Variants in ANKRD31 observed in about 807,000 individuals in gnomAD.
The protein encoded by ANKRD31 is ankyrin repeat domain 31.
In ANKRD31, 147 loss-of-function variants were observed where a neutral mutation model predicts 186.0. The observed-to-expected ratio is 0.79, with a 90% confidence interval of 0.69 to 0.91. ANKRD31 has a LOEUF of 0.91. ANKRD31 is among the 40% of genes least tolerant of loss of function. The pLI is 0.00. For missense variants in ANKRD31, 1,986 were observed against 2,148.8 expected (o/e 0.92, Z 1.50); for synonymous variants, 673 against 736.4 (o/e 0.91, Z 1.39).
chr5:75,207,699 A>G (rs1756346370), intron 4 of ANKRD31, among the ~76,000 whole-genome samples: 1 of 152,148 alleles, frequency 6.6e-6, no homozygotes, highest in Admixed American at 6.5e-5. Flanking sequence ...GAAAGTATGA[A>G]CAAAAACAAA....
chr5:75,126,114 CTT>C (rs1412878618), intron 17 of ANKRD31, among the ~76,000 whole-genome samples: 1 of 152,144 alleles, frequency 6.6e-6, no homozygotes, highest in African/African-American at 2.4e-5. Flanking sequence ...TGTCTGGTCT[CTT>C]TGACTTAGCA....
chr5:75,210,545 T>G (rs1242465236), intron 4 of ANKRD31, among the ~76,000 whole-genome samples: 1 of 152,236 alleles, frequency 6.6e-6, no homozygotes, highest in Non-Finnish European at 1.5e-5. Flanking sequence ...CTTCATGCCA[T>G]GCTTTTATTT....
intron 20 of ANKRD31, 33 bp downstream of exon 20, chr5:75,112,480 A>G: frequency 7.3e-7 from 1 of 1,368,942 alleles, no homozygotes; most frequent in Non-Finnish European, 9.9e-7. Flanking sequence ...GGGTATCTGA[A>G]AATATCATAC....
At chr5:75,088,870 G>A (rs1184180899) in intron 23 of ANKRD31, among the ~76,000 whole-genome samples, 4 of 152,136 alleles carry the variant, frequency 2.6e-5, no homozygotes, top group South Asian at 2.1e-4. Context: ...CAATCGCTAC[G>A]TTGGAAGGGT....
At chr5:75,172,415 CA>C (rs1439173053) in intron 10 of ANKRD31, among the ~76,000 whole-genome samples, 2 of 146,044 alleles carry the variant, frequency 1.4e-5, no homozygotes, top group African/African-American at 2.5e-5. Context: ...GATAGAGACA[CA>C]AAAAAAACTT....
In ANKRD31 at chr5:75,206,399, A is replaced by G; in HGVS notation, c.403+12T>C. ...CTAATTTCCTTTATATGACTCTACC[A>G]TGAAAACATACCTTCAATATTTTGG... On this transcript the variant is annotated intron_variant, in intron 5 of 25. Coordinates refer to ENST00000506364, the MANE Select transcript of ANKRD31 (RefSeq NM_001372053.1). 4 of 1,441,618 alleles carry G rather than the reference A, an allele frequency of 2.8e-6. No individual in the cohort carries two copies. Among genetic ancestry groups the G allele is most frequent in the Non-Finnish European group, 3.6e-6 (4 of 1,103,606 alleles). The allele number at this position is 1,441,618 out of a possible 1,614,324, so 89.3% of individuals were successfully genotyped here.
At chr5:75,079,174 C>T (rs1289849810) in intron 25 of ANKRD31, among the ~76,000 whole-genome samples, 1 of 152,142 alleles carries the variant, frequency 6.6e-6, no homozygotes, top group Non-Finnish European at 1.5e-5. Flanking sequence ...TTTCCATCAT[C>T]TCTGATTCAC....
intron 24 of ANKRD31, among the ~76,000 whole-genome samples, chr5:75,082,948 T>C (rs900605218): frequency 3.3e-5 from 5 of 152,184 alleles, no homozygotes; most frequent in Non-Finnish European, 7.3e-5. Flanking sequence ...GAAAACAGAT[T>C]CGCTGTGCTT....
intron 16 of ANKRD31, 70 bp downstream of exon 16, chr5:75,138,776 C>G: frequency 6.9e-7 from 1 of 1,459,350 alleles, no homozygotes; most frequent in East Asian, 2.5e-5. Flanking sequence ...TTGGAGGGGG[C>G]AGGAGGTGTT....
intron 22 of ANKRD31, among the ~76,000 whole-genome samples, chr5:75,100,429 C>T (rs1021997557): frequency 3.3e-5 from 5 of 151,922 alleles, no homozygotes; most frequent in Non-Finnish European, 5.9e-5. Flanking sequence ...TCTGTAGATG[C>T]CTATTAGGTC....
chr5:75,214,550 G>A (rs1756849037), intron 3 of ANKRD31, among the ~76,000 whole-genome samples: 1 of 152,168 alleles, frequency 6.6e-6, no homozygotes, highest in South Asian at 2.1e-4. Context: ...AGACCATGCA[G>A]TGCATAATCT....
intron 23 of ANKRD31, among the ~76,000 whole-genome samples, chr5:75,087,791 AAGAC>A (rs1292499609): frequency 1.3e-5 from 2 of 152,210 alleles, no homozygotes; most frequent in Non-Finnish European, 2.9e-5. Context: ...TTCATAATAT[AAGAC>A]AGAAAGTAGT....
intron 17 of ANKRD31, among the ~76,000 whole-genome samples, chr5:75,131,193 C>T (rs1453543077): frequency 6.6e-6 from 1 of 152,196 alleles, no homozygotes; most frequent in Non-Finnish European, 1.5e-5. Context: ...AGGGAGTGGG[C>T]TCCATGCTCT....
Position 75,193,536 on chromosome 5 carries a change from GT to G in ANKRD31, c.1072del (p.Thr358LeufsTer6). Reference protein sequence around the residue: ...GLQTLAHQNITSCEPLSNKRN... With the variant: ...GLQTLAHQNIXSCEPLSNKRN... Reference sequence around the variant, plus strand: ...CTTATTACTTAGTGGCTCACAAGAAGTGATATTTTGATGAGCCAAAGTTTGC... The same window carrying G: ...CTTATTACTTAGTGGCTCACAAGAAGGATATTTTGATGAGCCAAAGTTTGC... On this transcript the variant is annotated frameshift_variant, in exon 8 of 26. Transcript: ENST00000506364. LOFTEE classifies it high-confidence loss of function. The G allele has an allele frequency of 6.5e-7, 1 of 1,536,748 alleles. No homozygotes were observed. Among genetic ancestry groups the G allele is most frequent in the Non-Finnish European group, 8.7e-7 (1 of 1,146,658 alleles).
intron 2 of ANKRD31, among the ~76,000 whole-genome samples, chr5:75,224,130 TA>T (rs1422497304): frequency 8.6e-4 from 7 of 8,104 alleles, no homozygotes; most frequent in Admixed American, 3.9e-3. Context: ...CAGAAATAAT[TA>T]TATATATATA....
chr5:75,118,006 T>C (rs1748435103), intron 18 of ANKRD31, 129 bp downstream of exon 18: 2 of 694,724 alleles, frequency 2.9e-6, no homozygotes, highest in Non-Finnish European at 4.0e-6. Flanking sequence ...AAATAATGGC[T>C]TTTGAAGAGT....
At chr5:75,082,908 C>T (rs1745193688) in intron 24 of ANKRD31, among the ~76,000 whole-genome samples, 1 of 152,162 alleles carries the variant, frequency 6.6e-6, no homozygotes, top group African/African-American at 2.4e-5. Flanking sequence ...TACATTCCTG[C>T]TGGGAATGCA....
intron 1 of ANKRD31, among the ~76,000 whole-genome samples, chr5:75,231,369 C>T (rs1420977189): frequency 6.6e-6 from 1 of 151,998 alleles, no homozygotes. Context: ...AGCCACCACA[C>T]CTGGCCCAGA....
At chr5:75,112,467 C>CTTGGA (rs1182742955) in intron 20 of ANKRD31, 46 bp downstream of exon 20, 37 of 1,273,486 alleles carry the variant, frequency 2.9e-5, no homozygotes, top group Non-Finnish European at 3.6e-5. Context: ...AGAAGATGAC[C>CTTGGA]TTGGGTATCT....
Sources: allele counts gnomAD v4.1 joint callset (sites outside exome capture counted in the v4.1 genomes callset), GRCh38; gene constraint gnomAD v4.1.1; transcripts MANE v1.5; gene names NCBI Gene and HGNC (gene_info 2026-07-23, HGNC 2026-07-21).